Variants in KANK1 observed in about 807,000 individuals in gnomAD.
KANK1 encodes KN motif and ankyrin repeat domains 1, also known as KN motif and ankyrin repeat domain-containing protein 1.
A neutral mutation model predicts 106.2 loss-of-function variants in KANK1; 109 were observed. The ratio of observed to expected loss-of-function variants is 1.03; its 90% CI spans 0.88 to 1.20. The LOEUF (loss-of-function observed/expected upper bound fraction) is 1.20. KANK1 is among the 50% of genes most tolerant of loss of function. The pLI, the probability that KANK1 is intolerant of heterozygous loss-of-function variation, is 0.00. For synonymous variants in KANK1, 873 were observed against 652.2 expected (o/e 1.34, Z -5.16); for missense variants, 2,399 against 1,710.7 (o/e 1.40, Z -7.10).
intron 3 of KANK1, among the ~76,000 whole-genome samples, chr9:716,826 T>A (rs750917330): frequency 1.1e-4 from 16 of 152,154 alleles, no homozygotes; most frequent in Non-Finnish European, 1.5e-4. Context: ...AAATTTTTTT[T>A]AATTATCTGG....
intron 2 of KANK1, among the ~76,000 whole-genome samples, chr9:691,611 A>ATTTCTTTTTT (rs1819930324): frequency 1.4e-5 from 1 of 71,082 alleles, no homozygotes; most frequent in African/African-American, 4.6e-5. Context: ...TAATACCAGA[A>ATTTCTTTTTT]TTTTTTTTTT....
At chr9:722,321 C>G (rs1208421038) in intron 3 of KANK1, among the ~76,000 whole-genome samples, 1 of 152,060 alleles carries the variant, frequency 6.6e-6, no homozygotes, top group Non-Finnish European at 1.5e-5. Context: ...CATTCTCTCT[C>G]TCTCTCTCTG....
chr9:485,736 T>C (rs913514340), intron 3 of KANK1, among the ~76,000 whole-genome samples: 1 of 152,002 alleles, frequency 6.6e-6, no homozygotes, highest in African/African-American at 2.4e-5. Context: ...CTGGATGTGG[T>C]GGCGCATGCC....
intron 1 of KANK1, among the ~76,000 whole-genome samples, chr9:601,753 T>G (rs965009700): frequency 2.6e-5 from 4 of 151,886 alleles, no homozygotes; most frequent in African/African-American, 9.7e-5. Context: ...TTTGACATGC[T>G]TCCATCTTTT....
Position 712,163 on chromosome 9 carries a change from A to G in KANK1, c.1397A>G (p.Lys466Arg), listed in dbSNP as rs774866016. 1.5e-5 allele frequency: 25 copies of G among 1,614,010 alleles called. No homozygotes were observed. In the Admixed American group the frequency reaches 2.7e-4, roughly 17 times the overall value. Reference protein sequence around the residue: ...ELQQQTIESLKEKIYRLEVQL... With the variant: ...ELQQQTIESLREKIYRLEVQL... ...CAACAGCAGACCATAGAATCCTTGA[A>G]GGAAAAGATCTATCGCCTAGAAGTA... The change falls in exon 3 of 12, where the codon AAG becomes AGG. Residue 466 changes from lysine to arginine, a missense_variant. Coordinates refer to ENST00000382297, the MANE Select transcript of KANK1 (RefSeq NM_015158.5).
intron 3 of KANK1, among the ~76,000 whole-genome samples, chr9:729,320 T>C (rs1403101090): frequency 6.6e-6 from 1 of 152,102 alleles, no homozygotes; most frequent in Non-Finnish European, 1.5e-5. Flanking sequence ...CAGGAGAAGG[T>C]ACAAAAGATG....
intron 3 of KANK1, among the ~76,000 whole-genome samples, chr9:729,794 A>G (rs867875262): frequency 1.1e-4 from 17 of 152,292 alleles, no homozygotes; most frequent in Middle Eastern, 6.8e-3. Flanking sequence ...TGCTACTTCC[A>G]TGACTAGAAA....
intron 11 of KANK1, 179 bp downstream of exon 11, chr9:744,768 T>C (rs1420485316): frequency 5.6e-5 from 84 of 1,494,446 alleles, no homozygotes; most frequent in Non-Finnish European, 7.4e-5. Context: ...GGAGAACTAA[T>C]GTTTTAGCAG....
At chr9:543,590 G>T (rs7048037) in intron 1 of KANK1, among the ~76,000 whole-genome samples, 4 of 150,028 alleles carry the variant, frequency 2.7e-5, no homozygotes, top group African/African-American at 9.8e-5. Flanking sequence ...TTGAAAATCC[G>T]CAAGCTTCAG....
At position 712,872 on chromosome 9, in the gene KANK1, T is replaced by G. The variant is rs1589124706; in HGVS notation, c.2106T>G (p.Thr702=). The stretch of plus-strand genomic sequence containing the variant: ...CCTGCACCAACACTTGTCTAAGCAC[T>G]TTGGACAAGCAGACCAGCACCCAGA... ...IESCTNTCLS[T]LDKQTSTQTV... is the part of the protein sequence containing the mutation. Residue 702 remains threonine (T), a synonymous_variant, in exon 3 of 12, where the codon ACT becomes ACG. Transcript: ENST00000382297. 6.2e-7 allele frequency: 1 copy of G among 1,613,158 alleles called. No homozygotes were observed. Among genetic ancestry groups the G allele is most frequent in the East Asian group, 2.2e-5 (1 of 44,780 alleles).
intron 1 of KANK1, chr9:547,305 G>C (rs1239021413): frequency 6.6e-6 from 1 of 152,194 alleles, no homozygotes; most frequent in African/African-American, 2.4e-5. Context: ...CAATGGGGAA[G>C]GACTTGAATT....
At chr9:602,049 C>T (rs1827879703) in intron 1 of KANK1, among the ~76,000 whole-genome samples, 2 of 151,836 alleles carry the variant, frequency 1.3e-5, no homozygotes, top group African/African-American at 4.9e-5. Flanking sequence ...GATGTAAAGT[C>T]ATTTTGATCA....
chr9:556,552 C>T (rs1214962572), intron 1 of KANK1, among the ~76,000 whole-genome samples: 2 of 152,180 alleles, frequency 1.3e-5, no homozygotes, highest in Admixed American at 1.3e-4. Flanking sequence ...AATGACTATG[C>T]GGTTTTGCTT....
chr9:706,364 G>A (rs1824158639), intron 2 of KANK1, among the ~76,000 whole-genome samples: 1 of 152,140 alleles, frequency 6.6e-6, no homozygotes, highest in Admixed American at 6.6e-5. Flanking sequence ...ACTAAAGATG[G>A]ACCAGTTAGG....
At chr9:695,198 C>T (rs920674475) in intron 2 of KANK1, among the ~76,000 whole-genome samples, 6 of 152,130 alleles carry the variant, frequency 3.9e-5, no homozygotes, top group Non-Finnish European at 7.3e-5. Flanking sequence ...CCTGGAGGTG[C>T]TCTGGGTGGC....
At chr9:617,479 G>C (rs1207531098) in intron 1 of KANK1, among the ~76,000 whole-genome samples, 2 of 152,170 alleles carry the variant, frequency 1.3e-5, no homozygotes, top group Non-Finnish European at 2.9e-5. Flanking sequence ...TACTTTTGCT[G>C]TCTGGCCAAA....
intron 2 of KANK1, among the ~76,000 whole-genome samples, chr9:701,609 C>A (rs1822687817): frequency 6.6e-6 from 1 of 152,006 alleles, no homozygotes; most frequent in Admixed American, 6.6e-5. Context: ...TCGGGTAGCA[C>A]CCCAAGCAGC....
intron 3 of KANK1, among the ~76,000 whole-genome samples, chr9:485,111 C>T (rs2058269027): frequency 6.6e-6 from 1 of 152,204 alleles, no homozygotes; most frequent in South Asian, 2.1e-4. Context: ...GAACCACCCT[C>T]CACCCTCACT....
intron 1 of KANK1, among the ~76,000 whole-genome samples, chr9:622,551 A>AAAGGGTCC (rs1444497898): frequency 6.6e-6 from 1 of 152,218 alleles, no homozygotes; most frequent in Non-Finnish European, 1.5e-5. Flanking sequence ...CCACCTGCCA[A>AAAGGGTCC]AAAATAAAAT....
Sources: gnomAD v4.1 joint callset for allele counts (sites outside exome capture counted in the v4.1 genomes callset) on GRCh38, gnomAD v4.1.1 for gene constraint, MANE v1.5 for transcripts, NCBI Gene and HGNC (gene_info 2026-07-23, HGNC 2026-07-21) for gene names.